The following RYR2 variants were observed in gnomAD, a reference collection of about 807,000 sequenced individuals.
RYR2 encodes the protein cardiac muscle ryanodine receptor-calcium release channel.
A neutral mutation model predicts 601.1 loss-of-function variants in RYR2; 227 were observed. That is an observed-to-expected ratio of 0.38 (90% CI 0.34 to 0.42). The LOEUF (loss-of-function observed/expected upper bound fraction) is 0.42. Ranked by LOEUF, RYR2 falls within the 10% of genes least tolerant of loss-of-function variation. RYR2 has a pLI of 1.00. For synonymous variants in RYR2, 2,223 were observed against 2,175.1 expected (o/e 1.02, Z -0.61); for missense variants, 4,646 against 6,156.5 (o/e 0.75, Z 8.21).
chr1:237,486,744 A>G (rs1662730460), intron 17 of RYR2, among the ~76,000 whole-genome samples: 1 of 152,162 alleles, frequency 6.6e-6, no homozygotes, highest in Non-Finnish European at 1.5e-5. Flanking sequence ...ATGCATGCTC[A>G]TTTCACAGAA....
chr1:237,697,251 C>T (rs1176029376), intron 63 of RYR2, among the ~76,000 whole-genome samples: 2 of 150,036 alleles, frequency 1.3e-5, no homozygotes, highest in Non-Finnish European at 3.0e-5. Flanking sequence ...CCAACCTCTG[C>T]TCAAATGCCG....
chr1:237,170,467 C>T (rs1378470260), intron 1 of RYR2, among the ~76,000 whole-genome samples: 2 of 152,164 alleles, frequency 1.3e-5, no homozygotes, highest in African/African-American at 4.8e-5. Flanking sequence ...CCGTCTCTGC[C>T]AGGTGGTCTG....
chr1:237,827,936 C>CAAAAAA (rs58421624), intron 101 of RYR2, among the ~76,000 whole-genome samples: 9 of 69,290 alleles, frequency 1.3e-4, no homozygotes, highest in Admixed American at 2.3e-4. Flanking sequence ...GACTCCGTCT[C>CAAAAAA]AAAAAAAAAA....
At chr1:237,609,223 TTTC>T (rs1375078891) in intron 35 of RYR2, among the ~76,000 whole-genome samples, 1 of 121,394 alleles carries the variant, frequency 8.2e-6, no homozygotes, top group African/African-American at 2.6e-5. Context: ...ATCCCTTTTC[TTTC>T]TTACTGACAG....
At chr1:237,148,521 A>ATATAT (rs1417305977) in intron 1 of RYR2, among the ~76,000 whole-genome samples, 3 of 44,004 alleles carry the variant, frequency 6.8e-5, no homozygotes, top group South Asian at 1.3e-3. Flanking sequence ...CAAGTAAAAA[A>ATATAT]AAAAAAATAT....
At chr1:237,161,859 G>A (rs1676049674) in intron 1 of RYR2, among the ~76,000 whole-genome samples, 1 of 152,144 alleles carries the variant, frequency 6.6e-6, no homozygotes, top group Non-Finnish European at 1.5e-5. Context: ...AGCTAACCAG[G>A]TTTCAAATAA....
At chr1:237,823,801 A>G (rs1662787806) in intron 101 of RYR2, among the ~76,000 whole-genome samples, 1 of 152,178 alleles carries the variant, frequency 6.6e-6, no homozygotes, top group African/African-American at 2.4e-5. Context: ...AATAAAGAAG[A>G]AAAGAGAAGA....
At chr1:237,075,102 C>T (rs1664849970) in intron 1 of RYR2, among the ~76,000 whole-genome samples, 2 of 152,162 alleles carry the variant, frequency 1.3e-5, no homozygotes, top group African/African-American at 2.4e-5. Flanking sequence ...TTGGATATCA[C>T]TGCGTGAATT....
intron 29 of RYR2, among the ~76,000 whole-genome samples, chr1:237,572,564 A>T (rs920882525): frequency 2.0e-5 from 3 of 152,212 alleles, no homozygotes; most frequent in African/African-American, 7.2e-5. Context: ...TTTAAAATTT[A>T]AAAACTGACT....
chr1:237,358,722 G>C (rs1173874888), intron 4 of RYR2, among the ~76,000 whole-genome samples: 1 of 151,844 alleles, frequency 6.6e-6, no homozygotes, highest in Non-Finnish European at 1.5e-5. Context: ...TTGCAGCCCT[G>C]TAGGACTACA....
At chr1:237,367,242 C>G (rs1007620924) in intron 5 of RYR2, among the ~76,000 whole-genome samples, 2 of 152,008 alleles carry the variant, frequency 1.3e-5, no homozygotes, top group Admixed American at 6.6e-5. Context: ...ATTACAGGCG[C>G]CCGCCACCAT....
At chr1:237,539,562 T>C (rs1669031819) in intron 25 of RYR2, among the ~76,000 whole-genome samples, 1 of 152,148 alleles carries the variant, frequency 6.6e-6, no homozygotes, top group South Asian at 2.1e-4. Context: ...GAGCCGGAAA[T>C]CATTATCCTC....
At chr1:237,054,374 G>A (rs12036213) in intron 1 of RYR2, among the ~76,000 whole-genome samples, 22,527 of 130,950 alleles carry the variant, frequency 0.17, 1,848 homozygotes, top group East Asian at 0.39. Flanking sequence ...GTAAAAGACT[G>A]TAAATTGGAT....
In RYR2 at chr1:237,595,456, T is replaced by A. The variant is rs1254570443; in HGVS notation, c.4437-42T>A. 12 of 1,595,586 alleles carry A rather than the reference T, an allele frequency of 7.5e-6. No homozygotes were observed. In the Admixed American group the frequency reaches 1.6e-4, roughly 22 times the overall value. ...CAAGATATACCTGCTTTCTCTTTTA[T>A]CTGTGGTTGTACAAAGATAAAAATG... On this transcript the variant is annotated intron_variant, in intron 33 of 104. Transcript: ENST00000366574.
intron 67 of RYR2, among the ~76,000 whole-genome samples, chr1:237,706,431 C>T (rs1428779511): frequency 1.3e-5 from 2 of 152,142 alleles, no homozygotes; most frequent in Admixed American, 1.3e-4. Context: ...TGTAAAAGTG[C>T]AATTTTGCTG....
chr1:237,303,382 C>T (rs1212046875), intron 2 of RYR2, among the ~76,000 whole-genome samples: 1 of 145,198 alleles, frequency 6.9e-6, no homozygotes, highest in Non-Finnish European at 1.5e-5. Flanking sequence ...TCACTGCAAC[C>T]TCTGCCTCTC....
chr1:237,493,075 ACCATGT>A lies in RYR2; in HGVS notation c.1951_1956del (p.His651_Val652del), dbSNP rs1663594765. 6.2e-7 allele frequency: 1 copy of A among 1,613,568 alleles called. No individual in the cohort carries two copies. The highest frequency in any genetic ancestry group is 1.3e-5 in the African/African-American group (1 of 74,910). On this transcript the variant is annotated inframe_deletion, in exon 19 of 105. Transcript: ENST00000366574. Reference sequence around the variant, plus strand: ...TTGTTATTGCAGACACGTCTTGTGAACCATGTCAGCAGGTAAATTCAGACAGACAAT... The same window carrying A: ...TTGTTATTGCAGACACGTCTTGTGAACAGCAGGTAAATTCAGACAGACAAT...
At chr1:237,586,721 T>C (rs1232944912) in intron 29 of RYR2, among the ~76,000 whole-genome samples, 1 of 152,042 alleles carries the variant, frequency 6.6e-6, no homozygotes, top group East Asian at 1.9e-4. Flanking sequence ...ACAACTTCTT[T>C]TTTTTTTCTT....
intron 29 of RYR2, among the ~76,000 whole-genome samples, chr1:237,573,845 G>A (rs1479833591): frequency 6.6e-6 from 1 of 151,784 alleles, no homozygotes; most frequent in Non-Finnish European, 1.5e-5. Context: ...ATGCTGTTAG[G>A]TCTCTTCTAA....
Sources: allele counts gnomAD v4.1 joint callset (sites outside exome capture counted in the v4.1 genomes callset), GRCh38; gene constraint gnomAD v4.1.1; transcripts MANE v1.5; gene names NCBI Gene and HGNC (gene_info 2026-07-23, HGNC 2026-07-21).